Variants in UNC79 observed in about 807,000 individuals in gnomAD.
UNC79 encodes protein unc-79 homolog.
A neutral mutation model predicts 283.1 loss-of-function variants in UNC79; 37 were observed. That is an observed-to-expected ratio of 0.13 (90% CI 0.10 to 0.17). UNC79 has a LOEUF of 0.17. Ranked by LOEUF, UNC79 falls within the 10% of genes least tolerant of loss-of-function variation. The pLI is 1.00. For missense variants in UNC79, 2,272 were observed against 3,211.1 expected, an observed-to-expected ratio of 0.71 and a Z score of 7.07; for synonymous variants, 1,107 against 1,200.2, an observed-to-expected ratio of 0.92 and a Z score of 1.61.
chr14:93,622,587 C>T (rs781751585), exon 30 of UNC79: 1 of 1,614,092 alleles, frequency 6.2e-7, no homozygotes, highest in Non-Finnish European at 8.5e-7. Context: ...GGGGCAAAAA[C>T]CGTCCTCCTC....
exon 47 of UNC79, chr14:93,694,380 T>C: frequency 6.2e-7 from 1 of 1,611,328 alleles, no homozygotes; most frequent in Middle Eastern, 1.7e-4. Context: ...AATGGAGGCA[T>C]TGCAGGAATG....
At chr14:93,443,321 C>T (rs1051095008) in intron 1 of UNC79, among the ~76,000 whole-genome samples, 1 of 152,072 alleles carries the variant, frequency 6.6e-6, no homozygotes, top group Non-Finnish European at 1.5e-5. Flanking sequence ...CTTCAACTCC[C>T]AGTTCCAGGA....
exon 46 of UNC79, chr14:93,691,843 T>C (rs2074722504): frequency 1.2e-6 from 2 of 1,613,958 alleles, no homozygotes; most frequent in Admixed American, 1.7e-5. Context: ...GCTACAAATC[T>C]CCAAAATCAG....
intron 35 of UNC79, among the ~76,000 whole-genome samples, chr14:93,647,392 G>C (rs968712810): frequency 6.6e-6 from 1 of 152,232 alleles, no homozygotes; most frequent in Non-Finnish European, 1.5e-5. Context: ...GGGAGATAGA[G>C]AGTGCCCGGA....
At chr14:93,543,432 C>T (rs943362105) in intron 14 of UNC79, among the ~76,000 whole-genome samples, 5 of 150,012 alleles carry the variant, frequency 3.3e-5, no homozygotes, top group African/African-American at 4.9e-5. Context: ...CAGGATGGAC[C>T]GCAGTGGTGT....
chr14:93,421,476 A>T (rs1358113648), intron 1 of UNC79, among the ~76,000 whole-genome samples: 1 of 151,748 alleles, frequency 6.6e-6, no homozygotes, highest in East Asian at 1.9e-4. Context: ...GTCTCCAGGC[A>T]AAGAAAAGCC....
intron 40 of UNC79, among the ~76,000 whole-genome samples, chr14:93,671,458 A>G (rs934166452): frequency 5.3e-5 from 8 of 152,038 alleles, no homozygotes; most frequent in African/African-American, 1.9e-4. Flanking sequence ...TATACAAGGA[A>G]CTCAAACTCA....
At chr14:93,704,182 T>G (rs2075717003) in intron 47 of UNC79, among the ~76,000 whole-genome samples, 1 of 152,238 alleles carries the variant, frequency 6.6e-6, no homozygotes, top group Admixed American at 6.5e-5. Flanking sequence ...TGGAGTGGTC[T>G]TTCTCGCTCA....
intron 8 of UNC79, among the ~76,000 whole-genome samples, chr14:93,525,359 G>T (rs1279908430): frequency 6.6e-6 from 1 of 152,032 alleles, no homozygotes; most frequent in African/African-American, 2.4e-5. Flanking sequence ...TGAGGGAGGG[G>T]AATTACTTGA....
At chr14:93,457,216 A>G (rs898251613) in intron 1 of UNC79, among the ~76,000 whole-genome samples, 1 of 152,248 alleles carries the variant, frequency 6.6e-6, no homozygotes, top group Admixed American at 6.5e-5. Context: ...CCAGACACTT[A>G]TTAAATGCTG....
intron 2 of UNC79, among the ~76,000 whole-genome samples, chr14:93,470,224 A>G (rs66518066): frequency 0.082 from 12,550 of 152,156 alleles, 593 homozygotes; most frequent in Middle Eastern, 0.19. Context: ...GCTTCACTTG[A>G]GTCAGGGTTG....
At chr14:93,563,567 G>T (rs576112062) in intron 14 of UNC79, among the ~76,000 whole-genome samples, 1 of 152,078 alleles carries the variant, frequency 6.6e-6, no homozygotes, top group African/African-American at 2.4e-5. Context: ...GTAGTGCAGC[G>T]GGGGCAGAGC....
chr14:93,540,725 T>C, exon 13 of UNC79: 1 of 1,613,884 alleles, frequency 6.2e-7, no homozygotes. Context: ...CGGCGGCAGC[T>C]GGGCCTCTCC....
At chr14:93,410,427 A>G (rs2055311780) in intron 1 of UNC79, among the ~76,000 whole-genome samples, 1 of 152,174 alleles carries the variant, frequency 6.6e-6, no homozygotes, top group South Asian at 2.1e-4. Flanking sequence ...CTGAACTGGT[A>G]TCAGAGCCAG....
At chr14:93,660,368 C>A (rs1359400376) in intron 39 of UNC79, among the ~76,000 whole-genome samples, 1 of 151,722 alleles carries the variant, frequency 6.6e-6, no homozygotes, top group East Asian at 1.9e-4. Context: ...GGGTCCATAT[C>A]GCCCCATCAC....
At chr14:93,468,938 GAA>G (rs2057359214) in intron 2 of UNC79, among the ~76,000 whole-genome samples, 1 of 152,136 alleles carries the variant, frequency 6.6e-6, no homozygotes. Flanking sequence ...GTGATCATCA[GAA>G]AAATTTATGA....
intron 7 of UNC79, among the ~76,000 whole-genome samples, chr14:93,513,887 T>C (rs577856859): frequency 1.3e-5 from 2 of 152,348 alleles, no homozygotes; most frequent in South Asian, 2.1e-4. Context: ...TTAGTCCTAG[T>C]GTATAACTAT....
intron 1 of UNC79, among the ~76,000 whole-genome samples, chr14:93,338,762 A>G (rs1285879846): frequency 1.3e-5 from 2 of 152,148 alleles, no homozygotes; most frequent in African/African-American, 2.4e-5. Context: ...GACAAAAATT[A>G]GCTGGGTGTG....
chr14:93,653,604 T>G (rs1232070597), intron 35 of UNC79, 138 bp from the exon 39 acceptor site: 1 of 789,656 alleles, frequency 1.3e-6, no homozygotes, highest in Non-Finnish European at 2.1e-6. Flanking sequence ...GAGTAGAATA[T>G]TTCATTTCAC....
Sources: allele counts gnomAD v4.1 joint callset (sites outside exome capture counted in the v4.1 genomes callset), GRCh38; gene constraint gnomAD v4.1.1; transcripts MANE v1.5; gene names NCBI Gene and HGNC (gene_info 2026-07-23, HGNC 2026-07-21).